L3HYPDH: variants seen among roughly 807,000 people sequenced by gnomAD.
L3HYPDH encodes trans-L-3-hydroxyproline dehydratase.
In L3HYPDH, 32 loss-of-function variants were observed where a neutral mutation model predicts 26.5. That is an observed-to-expected ratio of 1.21 (90% CI 0.91 to 1.62). The LOEUF is 1.62. Ranked by LOEUF, L3HYPDH falls within the 40% of genes most tolerant of loss-of-function variation. The pLI is 0.00. For synonymous variants in L3HYPDH, 215 were observed against 196.6 expected (o/e 1.09, Z -0.78); for missense variants, 554 against 476.4 (o/e 1.16, Z -1.52).
chr14:59,504,148 G>C, the L3HYPDH span: 1 of 825,614 alleles, frequency 1.2e-6, no homozygotes, highest in Admixed American at 2.2e-5. Flanking sequence ...CAGTGTATGA[G>C]AACTATTCTA....
At chr14:59,502,323 A>G in the L3HYPDH span, among the ~76,000 whole-genome samples, 4 of 152,200 alleles carry the variant, frequency 2.6e-5, no homozygotes, top group African/African-American at 9.7e-5. Context: ...CTTCCATCCT[A>G]TACTTGCTAA....
upstream of L3HYPDH, chr14:59,484,668 C>T (rs1449975944): frequency 1.8e-5 from 27 of 1,523,392 alleles, no homozygotes; most frequent in South Asian, 3.6e-5. Flanking sequence ...GCCTCGGGCT[C>T]GGCTCTTTGT....
rs1311827600 is a variant in L3HYPDH, at chr14:59,473,192, A to G, written c.940-102T>C. On this transcript the variant is annotated intron_variant, in intron 4 of 4. Transcript: ENST00000247194. ...CTTTTATCATGTGAAGGAAAGGCCAAGGGTTAATCCTATGGGCCAGGGAAG... is the reference window on the plus strand; with the variant it reads ...CTTTTATCATGTGAAGGAAAGGCCAGGGGTTAATCCTATGGGCCAGGGAAG... 2.4e-5 allele frequency: 27 copies of G among 1,139,058 alleles called. No homozygotes were observed. The East Asian group carries it at 4.0e-4, about 17-fold the overall frequency. 70.6% of individuals were successfully genotyped at this position (1,139,058 alleles called of 1,614,324 possible). A position where few individuals can be genotyped will look rare whatever the true frequency, so the allele number is the denominator to read the frequency against.
At chr14:59,496,678 T>C in the L3HYPDH span, among the ~76,000 whole-genome samples, 1 of 152,220 alleles carries the variant, frequency 6.6e-6, no homozygotes, top group South Asian at 2.1e-4. Flanking sequence ...AAGAATCTTG[T>C]GGCAGCACTC....
the L3HYPDH span, chr14:59,505,193 C>A: frequency 9.8e-7 from 1 of 1,018,256 alleles, no homozygotes; most frequent in South Asian, 1.8e-5. Flanking sequence ...ACTCACTTTT[C>A]CTGTAGTAGT....
In L3HYPDH at chr14:59,484,378, C is replaced by G; in HGVS notation, c.-62G>C. On this transcript the variant is annotated 5_prime_UTR_variant, in exon 1 of 5. Transcript: ENST00000247194. ...TATGGCTTCAAGCCCGACCCTCACC[C>G]ACTGACTCCGCGGGAGGAGGGCGGG... 6.7e-7 allele frequency: 1 copy of G among 1,501,276 alleles called. No individual in the cohort carries two copies. Among genetic ancestry groups the G allele is most frequent in the South Asian group, 1.2e-5 (1 of 80,936 alleles). The allele number at this position is 1,501,276 out of a possible 1,614,324, so 93.0% of individuals were successfully genotyped here.
chr14:59,498,102 A>T, the L3HYPDH span, among the ~76,000 whole-genome samples: 1 of 152,324 alleles, frequency 6.6e-6, no homozygotes, highest in South Asian at 2.1e-4. Context: ...AAGCACACAC[A>T]GAATAAAATA....
chr14:59,501,063 G>C, the L3HYPDH span: 2 of 620,378 alleles, frequency 3.2e-6, no homozygotes, highest in Non-Finnish European at 5.5e-6. Flanking sequence ...AGAACCTTAG[G>C]TTGTAAGTCT....
At chr14:59,495,249 T>A in the L3HYPDH span, 1 of 1,468,714 alleles carries the variant, frequency 6.8e-7, no homozygotes, top group Admixed American at 1.8e-5. Context: ...CGACTTAAGA[T>A]CATTGTTTTT....
the L3HYPDH span, among the ~76,000 whole-genome samples, chr14:59,491,303 G>A: frequency 3.9e-5 from 6 of 152,178 alleles, no homozygotes; most frequent in African/African-American, 1.4e-4. Flanking sequence ...CGATGCTGGT[G>A]GGGGTATTTT....
At position 59,472,988 on chromosome 14, in the gene L3HYPDH, T is replaced by G. The variant is rs758765072; in HGVS notation, c.1042A>C (p.Arg348=). 2 of 1,604,880 alleles carry G rather than the reference T, an allele frequency of 1.2e-6. No individual in the cohort carries two copies. Among genetic ancestry groups the G allele is most frequent in the Non-Finnish European group, 1.7e-6 (2 of 1,176,860 alleles). ...AGTCACTTGAGAAGAAATCCATCCC[T>G]CAATGGGTCGTCATCTTCTATTATA... is the stretch of plus-strand genomic sequence containing the variant. ...SFIIEDDDPL[R]DGFLLK is the part of the protein sequence containing the mutation. The change falls in exon 5 of 5, where the codon AGG becomes CGG. Residue 348 remains arginine (R), a synonymous_variant. Transcript: ENST00000247194.
chr14:59,503,743 T>C, the L3HYPDH span: 2 of 567,968 alleles, frequency 3.5e-6, no homozygotes, highest in Non-Finnish European at 5.6e-6. Context: ...AAACATTTTA[T>C]GATTCTGAGA....
At chr14:59,483,786 G>A (rs1023188975) in intron 1 of L3HYPDH, 23 bp downstream of exon 1, 3 of 1,587,828 alleles carry the variant, frequency 1.9e-6, no homozygotes, top group Admixed American at 1.7e-5. Context: ...TCTGCCCTGG[G>A]CTGGAAAGGT....
intron 1 of L3HYPDH, among the ~76,000 whole-genome samples, chr14:59,480,977 T>A (rs987665872): frequency 4.6e-5 from 7 of 152,152 alleles, no homozygotes; most frequent in African/African-American, 1.7e-4. Context: ...TTCCCTTGAT[T>A]GTAACAACTA....
chr14:59,468,336 C>G (rs542688360), downstream of L3HYPDH, among the ~76,000 whole-genome samples: 2 of 152,200 alleles, frequency 1.3e-5, no homozygotes, highest in Non-Finnish European at 2.9e-5. Flanking sequence ...TAGTCTCATT[C>G]GGTACCACTT....
At chr14:59,484,720 C>A, upstream of L3HYPDH, 1 of 1,220,544 alleles carries the variant, frequency 8.2e-7, no homozygotes, top group Non-Finnish European at 1.2e-6. Flanking sequence ...CCCTTGACCC[C>A]GCCCGCCCTC....
At chr14:59,486,127 G>A (rs1414811232), upstream of L3HYPDH, among the ~76,000 whole-genome samples, 1 of 152,140 alleles carries the variant, frequency 6.6e-6, no homozygotes, top group African/African-American at 2.4e-5. Flanking sequence ...TTGGCCCAGT[G>A]ACAGCCTTGA....
intron 2 of L3HYPDH, among the ~76,000 whole-genome samples, chr14:59,476,829 C>A (rs536196857): frequency 3.3e-5 from 5 of 152,194 alleles, no homozygotes; most frequent in Non-Finnish European, 5.9e-5. Flanking sequence ...GAAGCAGGCA[C>A]TGGCAGGGTA....
chr14:59,484,872 GGAACACTT>G (rs1192858753), upstream of L3HYPDH: 2 of 1,227,976 alleles, frequency 1.6e-6, no homozygotes, highest in Non-Finnish European at 2.2e-6. Flanking sequence ...TAATGTCGAG[GGAACACTT>G]GCTTGAGGGT....
Sources: allele counts gnomAD v4.1 joint callset (sites outside exome capture counted in the v4.1 genomes callset), GRCh38; gene constraint gnomAD v4.1.1; transcripts MANE v1.5; gene names NCBI Gene and HGNC (gene_info 2026-07-23, HGNC 2026-07-21).